The following FYN variants were observed in gnomAD, a reference collection of about 807,000 sequenced individuals.
FYN encodes the protein tyrosine-protein kinase Fyn.
A neutral mutation model predicts 70.2 loss-of-function variants in FYN; 10 were observed. The observed-to-expected ratio is 0.14, with a 90% CI of 0.09 to 0.24. The LOEUF (loss-of-function observed/expected upper bound fraction) is 0.24, where lower values mean the gene tolerates loss of function less well. Ranked by LOEUF, FYN falls within the 10% of genes least tolerant of loss-of-function variation. The pLI is 1.00. For synonymous variants in FYN, 236 were observed against 248.6 expected (o/e 0.95, Z 0.48); for missense variants, 319 against 673.1 (o/e 0.47, Z 5.82).
At chr6:111,773,424 A>G (rs1466854913) in intron 3 of FYN, among the ~76,000 whole-genome samples, 3 of 25,848 alleles carry the variant, frequency 1.2e-4, no homozygotes, top group Admixed American at 4.9e-4. Flanking sequence ...AGTGAGCGGG[A>G]GAGGGAGAGG....
intron 3 of FYN, among the ~76,000 whole-genome samples, chr6:111,775,016 G>C (rs1803651357): frequency 6.6e-6 from 1 of 152,170 alleles, no homozygotes; most frequent in South Asian, 2.1e-4. Context: ...ACTGCACCCA[G>C]CTAGCTGTTT....
intron 3 of FYN, among the ~76,000 whole-genome samples, chr6:111,750,397 C>A (rs549326940): frequency 3.3e-5 from 5 of 152,156 alleles, no homozygotes; most frequent in African/African-American, 1.2e-4. Context: ...CTTTGCCTTC[C>A]GCCATGATTG....
intron 3 of FYN, among the ~76,000 whole-genome samples, chr6:111,768,783 C>T (rs1451266943): frequency 1.3e-5 from 2 of 152,234 alleles, no homozygotes; most frequent in Non-Finnish European, 2.9e-5. Context: ...TTCTGCTCAG[C>T]ACCATACTTG....
chr6:111,776,652 C>A (rs1204885765), intron 3 of FYN, among the ~76,000 whole-genome samples: 1 of 152,174 alleles, frequency 6.6e-6, no homozygotes, highest in Non-Finnish European at 1.5e-5. Flanking sequence ...ACACACCACA[C>A]CCTTTCTGGG....
At chr6:111,792,267 T>C (rs1477671139) in intron 2 of FYN, among the ~76,000 whole-genome samples, 1 of 152,166 alleles carries the variant, frequency 6.6e-6, no homozygotes, top group African/African-American at 2.4e-5. Context: ...AGCCATCAAA[T>C]AAAAGCAAAT....
chr6:111,843,072 G>A (rs1385435815), intron 2 of FYN, among the ~76,000 whole-genome samples: 6 of 152,176 alleles, frequency 3.9e-5, no homozygotes, highest in African/African-American at 1.4e-4. Flanking sequence ...TGGCCTGAAC[G>A]CAGCTGTCTA....
intron 3 of FYN, among the ~76,000 whole-genome samples, chr6:111,732,123 C>G (rs1801489526): frequency 6.6e-6 from 1 of 152,208 alleles, no homozygotes; most frequent in Non-Finnish European, 1.5e-5. Flanking sequence ...ACCTACTTAA[C>G]ACCTGATGGA....
rs1798446076 is a variant in FYN, at chr6:111,674,425, T to A, written c.1405+74A>T. 5.3e-6 allele frequency: 8 copies of A among 1,501,490 alleles called. No homozygotes were observed. In the South Asian group the frequency reaches 1.0e-4, roughly 19 times the overall value. The allele number at this position is 1,501,490 out of a possible 1,614,324, so 93.0% of individuals were successfully genotyped here. ...TGAGGATGGGGCTTAGAAAGCAAAG[T>A]GGATGAAGTTTTCCCAAATGGTGTC... On this transcript the variant is annotated intron_variant, in intron 13 of 13. Transcript: ENST00000354650.
At chr6:111,857,800 G>A (rs1014584832) in intron 1 of FYN, among the ~76,000 whole-genome samples, 2 of 151,478 alleles carry the variant, frequency 1.3e-5, no homozygotes, top group Non-Finnish European at 2.9e-5. Context: ...TCAAGCTGCC[G>A]GGCTGTGTCC....
chr6:111,839,471 G>A (rs1337644787), intron 2 of FYN, among the ~76,000 whole-genome samples: 1 of 152,086 alleles, frequency 6.6e-6, no homozygotes, highest in Non-Finnish European at 1.5e-5. Flanking sequence ...GACTCGATGA[G>A]AGATGTAATA....
chr6:111,737,921 TA>T (rs1356711351), intron 3 of FYN, among the ~76,000 whole-genome samples: 2 of 152,128 alleles, frequency 1.3e-5, no homozygotes, highest in African/African-American at 4.8e-5. Context: ...TATTTTCCCA[TA>T]AAAAAACAAA....
chr6:111,718,280 G>C, intron 4 of FYN, among the ~76,000 whole-genome samples: 1 of 152,208 alleles, frequency 6.6e-6, no homozygotes, highest in Non-Finnish European at 1.5e-5. Flanking sequence ...CAGGACTGAA[G>C]GCAGTATTGG....
intron 13 of FYN, among the ~76,000 whole-genome samples, chr6:111,665,927 G>T (rs1391525104): frequency 1.3e-5 from 2 of 150,678 alleles, no homozygotes; most frequent in African/African-American, 2.4e-5. Flanking sequence ...CCAGCCAGAA[G>T]AATCTTTTTA....
intron 13 of FYN, among the ~76,000 whole-genome samples, chr6:111,662,397 T>A (rs992480566): frequency 6.6e-6 from 1 of 152,204 alleles, no homozygotes; most frequent in Non-Finnish European, 1.5e-5. Context: ...TATTTTTGGC[T>A]TTGCGGGTCA....
chr6:111,777,473 C>T (rs1194999647), intron 3 of FYN, among the ~76,000 whole-genome samples: 1 of 152,130 alleles, frequency 6.6e-6, no homozygotes, highest in Middle Eastern at 3.2e-3. Context: ...GATTATTCTG[C>T]ATGTGTGCAC....
At chr6:111,785,106 A>C (rs72942178) in intron 2 of FYN, among the ~76,000 whole-genome samples, 1,548 of 152,308 alleles carry the variant, frequency 0.01, 6 homozygotes, top group South Asian at 0.021. Flanking sequence ...TCTATCAAGG[A>C]GTGGAAGAAC....
At chr6:111,840,146 C>T (rs1399076923) in intron 2 of FYN, among the ~76,000 whole-genome samples, 2 of 151,982 alleles carry the variant, frequency 1.3e-5, no homozygotes, top group African/African-American at 2.4e-5. Flanking sequence ...CTTTATGTTT[C>T]GATAAATGAA....
intron 12 of FYN, among the ~76,000 whole-genome samples, chr6:111,690,121 G>T (rs1016249599): frequency 1.1e-4 from 16 of 152,180 alleles, no homozygotes; most frequent in Admixed American, 1.0e-3. Context: ...GGCTGGAGGG[G>T]CTGTGAATTT....
At chr6:111,845,757 CAG>C (rs1208982452) in intron 2 of FYN, among the ~76,000 whole-genome samples, 1 of 152,160 alleles carries the variant, frequency 6.6e-6, no homozygotes, top group Non-Finnish European at 1.5e-5. Flanking sequence ...TGTGGTTGGG[CAG>C]AGTAGTGGGG....
Sources: allele counts gnomAD v4.1 joint callset (sites outside exome capture counted in the v4.1 genomes callset), GRCh38; gene constraint gnomAD v4.1.1; transcripts MANE v1.5; gene names NCBI Gene and HGNC (gene_info 2026-07-23, HGNC 2026-07-21).